The following HPCAL1 variants were observed in gnomAD, a reference collection of about 807,000 sequenced individuals.
HPCAL1 encodes the protein hippocalcin-like protein 1.
A neutral mutation model predicts 17.1 loss-of-function variants in HPCAL1; 8 were observed. The ratio of observed to expected loss-of-function variants is 0.47; its 90% CI spans 0.27 to 0.84. The LOEUF (loss-of-function observed/expected upper bound fraction) is 0.84, where lower values mean the gene tolerates loss of function less well. Ranked by LOEUF, HPCAL1 falls within the 40% of genes least tolerant of loss-of-function variation. HPCAL1 has a pLI of 0.13. For missense variants in HPCAL1, 165 were observed against 271.1 expected (o/e 0.61, Z 2.75); for synonymous variants, 112 against 111.4 (o/e 1.01, Z -0.03).
chr2:10,396,788 G>C (rs889630461), intron 1 of HPCAL1, 47 bp from the exon 2 acceptor site: 3 of 152,348 alleles, frequency 2.0e-5, no homozygotes, highest in Non-Finnish European at 2.9e-5. Flanking sequence ...CATGGGCTCC[G>C]GGCCGGGTCG....
intron 1 of HPCAL1, among the ~76,000 whole-genome samples, chr2:10,390,574 A>C (rs974335884): frequency 2.0e-5 from 3 of 152,086 alleles, no homozygotes; most frequent in South Asian, 2.1e-4. Context: ...AATATATTAA[A>C]ATAATTTGTC....
At chr2:10,381,425 C>T (rs1024460535) in intron 1 of HPCAL1, among the ~76,000 whole-genome samples, 4 of 152,190 alleles carry the variant, frequency 2.6e-5, no homozygotes, top group Admixed American at 2.0e-4. Context: ...GTGGATGCGA[C>T]GCTCCTTCTG....
At chr2:10,426,457 A>T in intron 4 of HPCAL1, 1 of 446,352 alleles carries the variant, frequency 2.2e-6, no homozygotes. Context: ...AAAAGGATTT[A>T]AATGGCCCTC....
intron 4 of HPCAL1, chr2:10,423,305 G>A (rs1189198751): frequency 5.3e-6 from 3 of 564,280 alleles, no homozygotes; most frequent in South Asian, 2.0e-5. Flanking sequence ...GTGATGCTGG[G>A]CATGTTGTGG....
At chr2:10,349,823 C>A (rs144501464) in intron 1 of HPCAL1, among the ~76,000 whole-genome samples, 1 of 145,688 alleles carries the variant, frequency 6.9e-6, no homozygotes, top group Non-Finnish European at 1.5e-5. Context: ...TCTCTTGATA[C>A]AGGGCCAAGA....
At chr2:10,425,982 G>A (rs1008191187) in intron 4 of HPCAL1, 1 of 152,228 alleles carries the variant, frequency 6.6e-6, no homozygotes, top group Non-Finnish European at 1.5e-5. Context: ...TGACCACAGT[G>A]TGAGCTCATT....
chr2:10,320,041 G>A (rs571855195), intron 1 of HPCAL1, among the ~76,000 whole-genome samples: 8 of 151,972 alleles, frequency 5.3e-5, no homozygotes, highest in African/African-American at 1.2e-4. Flanking sequence ...GCAGCCCCCC[G>A]AGTCCCCTTT....
chr2:10,310,806 T>C lies in HPCAL1; in HGVS notation c.-111+7629T>C, dbSNP rs934051928. On this transcript the variant is annotated intron_variant, in intron 1 of 4. Coordinates refer to ENST00000307845, the MANE Select transcript of HPCAL1 (RefSeq NM_002149.4). This position sits in a 1 kb window ranked among gnomAD's most constrained non-coding sequence, Gnocchi z 4.5. ...TTGCGGTTCTGTACAGCAGTGTGTA[T>C]CGACTGCAGCGCTCTTTTTCTCTAG... Among the ~76,000 whole-genome samples, 3 of 152,150 alleles carry C rather than the reference T, an allele frequency of 2.0e-5. No homozygotes were observed. The highest frequency in any genetic ancestry group is 4.4e-5 in the Non-Finnish European group (3 of 68,034).
At chr2:10,326,305 A>G (rs1429877075) in intron 1 of HPCAL1, among the ~76,000 whole-genome samples, 1 of 152,220 alleles carries the variant, frequency 6.6e-6, no homozygotes, top group East Asian at 1.9e-4. Flanking sequence ...ACAGGCAGAT[A>G]TTGCCCAGTC....
intron 1 of HPCAL1, among the ~76,000 whole-genome samples, chr2:10,309,645 G>A (rs1662831148): frequency 6.6e-6 from 1 of 152,202 alleles, no homozygotes; most frequent in Admixed American, 6.5e-5. Flanking sequence ...GATGGTTCAA[G>A]CAATGTGTGT....
At chr2:10,368,844 A>G (rs1667029984) in intron 1 of HPCAL1, 1 of 152,194 alleles carries the variant, frequency 6.6e-6, no homozygotes, top group Non-Finnish European at 1.5e-5. Flanking sequence ...TGAATTACCG[A>G]CATTTCAGTA....
rs2125406130 is a variant in HPCAL1, at chr2:10,323,566, T to A, written c.-111+20389T>A. Reference sequence around the variant, plus strand: ...ATGAGGCTCCCCAACCTGTACCCTTTACCCTGGAGCTGGCCCCATCTCTCA... The same window carrying A: ...ATGAGGCTCCCCAACCTGTACCCTTAACCCTGGAGCTGGCCCCATCTCTCA... On this transcript the variant is annotated intron_variant, in intron 1 of 4. Coordinates refer to ENST00000307845, the MANE Select transcript of HPCAL1 (RefSeq NM_002149.4). This position sits in a 1 kb window ranked among gnomAD's most constrained non-coding sequence, Gnocchi z 4.6. Among the ~76,000 whole-genome samples, 3 of 152,362 alleles carry A rather than the reference T, an allele frequency of 2.0e-5. No individual in the cohort carries two copies. The highest frequency in any genetic ancestry group is 2.0e-4 in the Admixed American group (3 of 15,306).
Position 10,365,012 on chromosome 2 carries a change from G to T in HPCAL1, c.-110-31823G>T, listed in dbSNP as rs892098128. ...TGTACATCTCTGTGATGTCACCCAG[G>T]TGCCACCAGGTGTGTGTGTCCTGAT... On this transcript the variant is annotated intron_variant, in intron 1 of 4. Coordinates refer to ENST00000307845, the MANE Select transcript of HPCAL1 (RefSeq NM_002149.4). The surrounding 1 kb of genome is among the most constrained non-coding windows in gnomAD (Gnocchi z 4.8). 2.6e-5 allele frequency among the ~76,000 whole-genome samples: 4 copies of T among 152,144 alleles called. No homozygotes were observed. Among genetic ancestry groups the T allele is most frequent in the African/African-American group, 9.7e-5 (4 of 41,420 alleles).
In HPCAL1 at chr2:10,304,339, G is replaced by A. The variant is rs1244828025; in HGVS notation, c.-111+1162G>A. Among the ~76,000 whole-genome samples the A allele has an allele frequency of 6.6e-6, 1 of 152,228 alleles. No individual in the cohort carries two copies. The highest frequency in any genetic ancestry group is 2.4e-5 in the African/African-American group (1 of 41,464). ...CCGAGAGTCACGGCGTAAAATTGGCGCTTCCCGCACATGCAGATCTCGGGC... is the reference window on the plus strand; with the variant it reads ...CCGAGAGTCACGGCGTAAAATTGGCACTTCCCGCACATGCAGATCTCGGGC... On this transcript the variant is annotated intron_variant, in intron 1 of 4. Transcript: ENST00000307845. This position sits in a 1 kb window ranked among gnomAD's most constrained non-coding sequence, Gnocchi z 4.1.
rs186492066 is a variant in HPCAL1, at chr2:10,420,298, C to T, written c.378+163C>T. 4.5e-3 allele frequency among the ~76,000 whole-genome samples: 676 copies of T among 150,124 alleles called. 8 individuals are homozygous for T. The highest frequency in any genetic ancestry group is 0.016 in the African/African-American group (652 of 40,730). On this transcript the variant is annotated intron_variant, in intron 3 of 4. Coordinates refer to ENST00000307845, the MANE Select transcript of HPCAL1 (RefSeq NM_002149.4). ...TATCTCAGCTCACTGCAACCTCTGCCTCCTGGGCTCAGGTGATTTTTCCGC... is the reference window on the plus strand; with the variant it reads ...TATCTCAGCTCACTGCAACCTCTGCTTCCTGGGCTCAGGTGATTTTTCCGC...
chr2:10,426,885 C>A lies in HPCAL1; in HGVS notation c.*64C>A. On this transcript the variant is annotated 3_prime_UTR_variant, in exon 5 of 5. Transcript: ENST00000307845. The stretch of plus-strand genomic sequence containing the variant: ...TGTCGTGCCGTTTAAGCTTTGCTTG[C>A]AAGAGTGGATGCCCCGCAATCGTTC... 1 of 1,430,926 alleles carries A rather than the reference C, an allele frequency of 7.0e-7. No homozygotes were observed. The highest frequency in any genetic ancestry group is 9.8e-7 in the Non-Finnish European group (1 of 1,016,666). 88.6% of individuals were successfully genotyped at this position (1,430,926 alleles called of 1,614,324 possible).
At chr2:10,385,916 C>G (rs540651486) in intron 1 of HPCAL1, among the ~76,000 whole-genome samples, 1 of 152,128 alleles carries the variant, frequency 6.6e-6, no homozygotes, top group South Asian at 2.1e-4. Context: ...TCCGGAGCCT[C>G]TCCTCTCTGG....
chr2:10,305,908 G>A (rs1309270185), intron 1 of HPCAL1, among the ~76,000 whole-genome samples: 1 of 152,190 alleles, frequency 6.6e-6, no homozygotes, highest in Non-Finnish European at 1.5e-5. Context: ...TCCTCCTGTT[G>A]AAGCGCTGGT....
chr2:10,321,740 G>A (rs1244108825), intron 1 of HPCAL1, among the ~76,000 whole-genome samples: 2 of 152,134 alleles, frequency 1.3e-5, no homozygotes, highest in African/African-American at 4.8e-5. Context: ...TTTGCATCTG[G>A]CTTCCTTTAC....
Sources: allele counts gnomAD v4.1 joint callset (sites outside exome capture counted in the v4.1 genomes callset), GRCh38; gene constraint gnomAD v4.1.1; non-coding constraint Gnocchi (gnomAD v3.1); transcripts MANE v1.5; gene names NCBI Gene and HGNC (gene_info 2026-07-23, HGNC 2026-07-21).